Variants in FLNC observed in about 807,000 individuals in gnomAD.
FLNC encodes the protein filamin-C.
A neutral mutation model predicts 254.3 loss-of-function variants in FLNC; 91 were observed. The observed-to-expected ratio is 0.36, with a 90% CI of 0.30 to 0.43. The LOEUF (loss-of-function observed/expected upper bound fraction) is 0.43. Among genes scored for constraint, FLNC ranks in the 20% least tolerant of loss-of-function variants. FLNC has a pLI of 1.00. For synonymous variants in FLNC, 1,430 were observed against 1,577.2 expected, an observed-to-expected ratio of 0.91 and a Z score of 2.21; for missense variants, 2,853 against 3,802.6, an observed-to-expected ratio of 0.75 and a Z score of 6.57.
chr7:128,853,896 G>C (rs1021990852), intron 39 of FLNC, 59 bp downstream of exon 39: 1 of 1,613,074 alleles, frequency 6.2e-7, no homozygotes, highest in South Asian at 1.1e-5. Context: ...GCCCGGGCCA[G>C]AGCCCACCTG....
Position 128,842,295 on chromosome 7 carries a change from C to T in FLNC, c.2186C>T (p.Ser729Phe). 1 of 1,613,894 alleles carries T rather than the reference C, an allele frequency of 6.2e-7. No homozygotes were observed. The highest frequency in any genetic ancestry group is 1.1e-5 in the South Asian group (1 of 91,088). Reference sequence around the variant, plus strand: ...AACGGCGACGGCACCTTCCGCTGCTCCTACGTGCCCACCAAGCCCATTAAG... The same window carrying T: ...AACGGCGACGGCACCTTCCGCTGCTTCTACGTGCCCACCAAGCCCATTAAG... ...IPNGDGTFRCSYVPTKPIKHT... is the reference protein window; with the variant it reads ...IPNGDGTFRCFYVPTKPIKHT... The change falls in exon 14 of 48, where the codon TCC (serine) becomes TTC (phenylalanine). Residue 729 changes from serine to phenylalanine, a missense_variant. By Grantham distance (155) the Ser-to-Phe change is radical (BLOSUM62 -2). This residue lies in a region of FLNC where 1,573 missense variants were observed against 1,883.5 expected (regional missense o/e 0.84). Transcript: ENST00000325888. The surrounding 1 kb of genome is among the most constrained non-coding windows in gnomAD (Gnocchi z 5.4).
At chr7:128,849,704 A>G (rs1215560114) in intron 30 of FLNC, 126 bp downstream of exon 30, 18 of 1,291,528 alleles carry the variant, frequency 1.4e-5, no homozygotes, top group Non-Finnish European at 1.7e-5. Context: ...CTGGGGCCAG[A>G]GTGCTCCAGG....
chr7:128,831,378 C>T (rs1807885459), intron 1 of FLNC, among the ~76,000 whole-genome samples: 1 of 152,256 alleles, frequency 6.6e-6, no homozygotes, highest in African/African-American at 2.4e-5. Flanking sequence ...GGGCATCTCC[C>T]CGCCCCCAAC....
chr7:128,839,935 G>A (rs1373594899), intron 8 of FLNC, 88 bp from the exon 9 acceptor site: 61 of 1,530,608 alleles, frequency 4.0e-5, no homozygotes, highest in Non-Finnish European at 5.3e-5. Flanking sequence ...GTGCCTGGGA[G>A]GGGTTAGAAG....
Position 128,838,457 on chromosome 7 carries a change from G to T in FLNC, c.1210+28G>T, listed in dbSNP as rs1458715205. ...AGGACGGGCCCCAGGGGGTGCAGGTGGAAAGCCCCTGACCATGTGGGGCTG... is the reference window on the plus strand; with the variant it reads ...AGGACGGGCCCCAGGGGGTGCAGGTTGAAAGCCCCTGACCATGTGGGGCTG... On this transcript the variant is annotated intron_variant, in intron 7 of 47. Transcript: ENST00000325888. 6 of 1,612,212 alleles carry T rather than the reference G, an allele frequency of 3.7e-6. No individual in the cohort carries two copies. The Admixed American group carries it at 1.0e-4, about 27-fold the overall frequency.
At position 128,842,364 on chromosome 7, in the gene FLNC, G is replaced by GC; in HGVS notation, c.2259dup (p.Phe754LeufsTer30). 6.2e-7 allele frequency: 1 copy of GC among 1,613,446 alleles called. No individual in the cohort carries two copies. The highest frequency in any genetic ancestry group is 8.5e-7 in the Non-Finnish European group (1 of 1,179,970). On this transcript the variant is annotated frameshift_variant, in exon 14 of 48. Transcript: ENST00000325888. LOFTEE classifies it high-confidence loss of function. This position sits in a 1 kb window ranked among gnomAD's most constrained non-coding sequence, Gnocchi z 5.4. The stretch of plus-strand genomic sequence containing the variant: ...TGGGGAGGCGTAAACGTGCCCAAGA[G>GC]CCCCTTCCGGGTGCGTCCTCCCGGC...
chr7:128,852,503 G>T (rs61044960), intron 35 of FLNC, 88 bp from the exon 36 acceptor site: 38 of 1,501,338 alleles, frequency 2.5e-5, no homozygotes, highest in African/African-American at 1.5e-4. Context: ...TTGAGTCCAG[G>T]GGGGGCTGCT....
In FLNC at chr7:128,846,137, G is replaced by T. The variant is rs199804244; in HGVS notation, c.3938G>T (p.Arg1313Leu). ...YVTDNGDGTY[R>L]VQYTAYEEGV... ...ACAGACAATGGGGACGGCACCTACC[G>T]AGTGCAGTACACCGCCTACGAGGAG... is the stretch of plus-strand genomic sequence containing the variant. Residue 1313 changes from arginine (R) to leucine (L), a missense_variant, in exon 22 of 48, where the codon CGA becomes CTA. Arg to Leu is a moderately radical substitution (Grantham distance 102, BLOSUM62 -2). Coordinates refer to ENST00000325888, the MANE Select transcript of FLNC (RefSeq NM_001458.5). 13 of 1,613,908 alleles carry T rather than the reference G, an allele frequency of 8.1e-6. No individual in the cohort carries two copies. The highest frequency in any genetic ancestry group is 1.0e-5 in the Non-Finnish European group (12 of 1,179,984).
At position 128,848,058 on chromosome 7, in the gene FLNC, G is replaced by A. The variant is rs1358403336; in HGVS notation, c.4570G>A (p.Val1524Met). Reference sequence around the variant, plus strand: ...AGCCGTCAAGTATGCTGACCAGGAGGTGCCACGCAGGTGAGGACCAGCCCT... The same window carrying A: ...AGCCGTCAAGTATGCTGACCAGGAGATGCCACGCAGGTGAGGACCAGCCCT... ...TVAVKYADQE[V>M]PRSPFKIKVL... The change falls in exon 26 of 48, where the codon GTG (valine) becomes ATG (methionine). Residue 1524 changes from valine (V) to methionine (M), a missense_variant. Val to Met is a conservative substitution (Grantham distance 21). Transcript: ENST00000325888. 6.2e-7 allele frequency: 1 copy of A among 1,604,444 alleles called. No individual in the cohort carries two copies. The highest frequency in any genetic ancestry group is 1.3e-5 in the African/African-American group (1 of 74,816).
intron 23 of FLNC, 99 bp downstream of exon 23, chr7:128,846,562 C>A: frequency 6.7e-7 from 1 of 1,487,824 alleles, no homozygotes; most frequent in South Asian, 1.1e-5. Context: ...CCCACCCCAT[C>A]CTCTCTCAGG....
At position 128,846,160 on chromosome 7, in the gene FLNC, G is replaced by C. The variant is rs1323515080; in HGVS notation, c.3961G>C (p.Glu1321Gln). The C allele has an allele frequency of 3.1e-6, 5 of 1,614,096 alleles. No homozygotes were observed. Among genetic ancestry groups the C allele is most frequent in the Non-Finnish European group, 3.4e-6 (4 of 1,179,978 alleles). The change falls in exon 22 of 48, where the codon GAG becomes CAG. Residue 1321 changes from glutamate to glutamine, a missense_variant. By Grantham distance (29) the Glu-to-Gln change is conservative. This residue lies in a region of FLNC where 1,573 missense variants were observed against 1,883.5 expected (regional missense o/e 0.84). Transcript: ENST00000325888. ...TYRVQYTAYE[E>Q]GVHLVEVLYD... ...CCGAGTGCAGTACACCGCCTACGAG[G>C]AGGGTGAGGGCCGGTGGGCCAGGCT...
Position 128,834,011 on chromosome 7 carries a change from C to G in FLNC, c.353-1315C>G, listed in dbSNP as rs972725901. ...CAGGTGGGAGTGGGGCAGGGGATGC[C>G]CTGGATTTCCCAGGCTCTCGGTCTC... On this transcript the variant is annotated intron_variant, in intron 1 of 47. Coordinates refer to ENST00000325888, the MANE Select transcript of FLNC (RefSeq NM_001458.5). Among the ~76,000 whole-genome samples the G allele has an allele frequency of 5.3e-5, 8 of 152,214 alleles. 1 individual carries two copies. The East Asian group carries it at 1.2e-3, about 22-fold the overall frequency.
Position 128,841,057 on chromosome 7 carries a change from G to T in FLNC, c.1813+87G>T. Reference sequence around the variant, plus strand: ...GGTAATGGGTGCAGTGCGCATGCTGGGGAGCGCTGGGGTGAGCAGGGAGAT... The same window carrying T: ...GGTAATGGGTGCAGTGCGCATGCTGTGGAGCGCTGGGGTGAGCAGGGAGAT... On this transcript the variant is annotated intron_variant, in intron 11 of 47. Transcript: ENST00000325888. This position sits in a 1 kb window ranked among gnomAD's most constrained non-coding sequence, Gnocchi z 4.3. 1 of 1,563,586 alleles carries T rather than the reference G, an allele frequency of 6.4e-7. No individual in the cohort carries two copies. Among genetic ancestry groups the T allele is most frequent in the Non-Finnish European group, 8.7e-7 (1 of 1,144,082 alleles).
chr7:128,833,453 G>A (rs567988720), intron 1 of FLNC, among the ~76,000 whole-genome samples: 2 of 152,348 alleles, frequency 1.3e-5, no homozygotes, highest in East Asian at 3.9e-4. Context: ...GCCTCCGAGA[G>A]GGAGGAGGGA....
rs953166619 is a variant in FLNC at position 128,843,212 on chromosome 7, G to A, written c.2551-17G>A. 7 of 1,576,060 alleles carry A rather than the reference G, an allele frequency of 4.4e-6. No homozygotes were observed. In the African/African-American group the frequency reaches 9.4e-5, roughly 21 times the overall value. On this transcript the variant is annotated splice_polypyrimidine_tract_variant and intron_variant, in intron 16 of 47. Coordinates refer to ENST00000325888, the MANE Select transcript of FLNC (RefSeq NM_001458.5). ...TGTTCCCCTCGAGAGCCCTGACTGA[G>A]CCTCCTCCACATCCAGGAGATCCCC...
rs771638946 is a variant in FLNC at position 128,848,087 on chromosome 7, C to T, written c.4580+19C>T. 5.0e-6 allele frequency: 8 copies of T among 1,594,660 alleles called. 1 individual carries two copies. In the South Asian group the frequency reaches 5.7e-5, roughly 11 times the overall value. ...CACGCAGGTGAGGACCAGCCCTGGG[C>T]TCCTGTGCTGCGGCTGAGCTCTGGG... is the stretch of plus-strand genomic sequence containing the variant. On this transcript the variant is annotated intron_variant, in intron 26 of 47. Coordinates refer to ENST00000325888, the MANE Select transcript of FLNC (RefSeq NM_001458.5).
rs1324323411 is a variant in FLNC at position 128,838,316 on chromosome 7, T to C, written c.1097T>C (p.Val366Ala). 1.2e-6 allele frequency: 2 copies of C among 1,613,934 alleles called. No homozygotes were observed. The highest frequency in any genetic ancestry group is 1.7e-6 in the Non-Finnish European group (2 of 1,179,970). The change falls in exon 7 of 48, where the codon GTG becomes GCG. Residue 366 changes from valine (V) to alanine (A), a missense_variant. By Grantham distance (64) the Val-to-Ala change is moderately conservative. Transcript: ENST00000325888. ...GQNIERSPFE[V>A]NVGMALGDAN... The stretch of plus-strand genomic sequence containing the variant: ...AACATTGAACGCAGTCCCTTTGAGG[T>C]GAACGTGGGCATGGCCCTGGGAGAT...
intron 26 of FLNC, 57 bp from the exon 27 acceptor site, chr7:128,848,504 C>A (rs866263059): frequency 1.3e-5 from 20 of 1,582,598 alleles, no homozygotes; most frequent in South Asian, 4.4e-5. Flanking sequence ...ATGAGATCAC[C>A]CCCCACCGCC....
chr7:128,834,963 A>G (rs964540056), intron 1 of FLNC, among the ~76,000 whole-genome samples: 5 of 152,200 alleles, frequency 3.3e-5, no homozygotes, highest in African/African-American at 1.2e-4. Flanking sequence ...CTGTATGTCA[A>G]TCATAGCTCA....
Sources: gnomAD v4.1 joint callset for allele counts (sites outside exome capture counted in the v4.1 genomes callset) on GRCh38, gnomAD v4.1.1 for gene constraint, gnomAD v4.1.1 regional missense constraint, Gnocchi (gnomAD v3.1) non-coding constraint, MANE v1.5 for transcripts, NCBI Gene and HGNC (gene_info 2026-07-23, HGNC 2026-07-21) for gene names.